Variants in SYNE3 observed in about 807,000 individuals in gnomAD.
SYNE3 encodes the protein spectrin repeat containing nuclear envelope family member 3.
SYNE3 carries 100 observed loss-of-function variants against 111.2 expected under a neutral mutation model. That is an observed-to-expected ratio of 0.90 (90% CI 0.77 to 1.06). The LOEUF (loss-of-function observed/expected upper bound fraction) is 1.06, where lower values mean the gene tolerates loss of function less well. Among genes scored for constraint, SYNE3 ranks in the 50% least tolerant of loss-of-function variants. The pLI, the probability that SYNE3 is intolerant of heterozygous loss-of-function variation, is 0.00. For synonymous variants in SYNE3, 547 were observed against 533.9 expected (o/e 1.02, Z -0.34); for missense variants, 1,160 against 1,240.3 (o/e 0.94, Z 0.97).
intron 1 of SYNE3, among the ~76,000 whole-genome samples, chr14:95,494,963 T>C (rs1194409142): frequency 6.6e-6 from 1 of 151,700 alleles, no homozygotes; most frequent in African/African-American, 2.4e-5. Flanking sequence ...AATACAAAAA[T>C]CAGTTGGGCG....
At chr14:95,479,683 G>T (rs1595242510) in intron 1 of SYNE3, among the ~76,000 whole-genome samples, 1 of 152,204 alleles carries the variant, frequency 6.6e-6, no homozygotes, top group Non-Finnish European at 1.5e-5. Context: ...GGGGATGGAC[G>T]CACAGTAAGG....
intron 1 of SYNE3, among the ~76,000 whole-genome samples, chr14:95,486,364 C>G (rs966611159): frequency 1.3e-5 from 2 of 152,172 alleles, no homozygotes; most frequent in Admixed American, 6.5e-5. Flanking sequence ...CCCAGGCCAC[C>G]CCCCACCCCT....
chr14:95,427,611 C>T (rs1478947271), intron 17 of SYNE3, among the ~76,000 whole-genome samples: 2 of 152,190 alleles, frequency 1.3e-5, no homozygotes, highest in African/African-American at 4.8e-5. Flanking sequence ...GCCTTGGCTG[C>T]CAGGCAGGGA....
intron 1 of SYNE3, among the ~76,000 whole-genome samples, chr14:95,481,125 T>C (rs1259654926): frequency 6.6e-6 from 1 of 152,178 alleles, no homozygotes; most frequent in Non-Finnish European, 1.5e-5. Flanking sequence ...TCCACAACCC[T>C]AGATAAGAAT....
chr14:95,511,239 CA>C (rs1890710490), intron 1 of SYNE3, among the ~76,000 whole-genome samples: 1 of 152,096 alleles, frequency 6.6e-6, no homozygotes, highest in Non-Finnish European at 1.5e-5. Context: ...AGTACGCCTG[CA>C]AAAAATAGGA....
At chr14:95,488,269 T>G (rs1001171737) in intron 1 of SYNE3, among the ~76,000 whole-genome samples, 2 of 152,180 alleles carry the variant, frequency 1.3e-5, no homozygotes, top group African/African-American at 4.8e-5. Context: ...GTACTCTTTT[T>G]AGAGAGAGGG....
chr14:95,476,153 G>C (rs1288384819), intron 1 of SYNE3, among the ~76,000 whole-genome samples: 1 of 152,196 alleles, frequency 6.6e-6, no homozygotes, highest in Non-Finnish European at 1.5e-5. Flanking sequence ...TATTCAGATT[G>C]CACGCTCTCC....
chr14:95,493,656 C>A (rs534092923), intron 1 of SYNE3, among the ~76,000 whole-genome samples: 2 of 152,250 alleles, frequency 1.3e-5, no homozygotes, highest in Non-Finnish European at 2.9e-5. Context: ...AAAATGCCTG[C>A]CTGGGAGAAG....
chr14:95,459,106 C>G (rs1167625729), intron 4 of SYNE3, among the ~76,000 whole-genome samples: 3 of 152,244 alleles, frequency 2.0e-5, no homozygotes, highest in Non-Finnish European at 4.4e-5. Flanking sequence ...TATGGAGCTA[C>G]TCCACCGCCA....
At chr14:95,499,334 G>C (rs1403139442) in intron 1 of SYNE3, among the ~76,000 whole-genome samples, 1 of 152,122 alleles carries the variant, frequency 6.6e-6, no homozygotes, top group East Asian at 1.9e-4. Flanking sequence ...AAGTTTAACA[G>C]GACATTCAAA....
chr14:95,454,327 C>G (rs1887278179), intron 6 of SYNE3, among the ~76,000 whole-genome samples: 1 of 152,278 alleles, frequency 6.6e-6, no homozygotes, highest in Non-Finnish European at 1.5e-5. Context: ...GTTAAAATCC[C>G]TGTCTCCACC....
chr14:95,452,656 C>T (rs988035186), intron 6 of SYNE3, among the ~76,000 whole-genome samples: 1 of 152,222 alleles, frequency 6.6e-6, no homozygotes, highest in African/African-American at 2.4e-5. Context: ...CAAACACTAG[C>T]TCCTAATGGT....
intron 17 of SYNE3, among the ~76,000 whole-genome samples, chr14:95,423,205 C>A (rs903909383): frequency 6.6e-6 from 1 of 152,102 alleles, no homozygotes; most frequent in South Asian, 2.1e-4. Flanking sequence ...TCTGAGCTGG[C>A]CTGTGGTTTA....
Position 95,440,645 on chromosome 14 carries a change from C to T in SYNE3, c.1912-570G>A, listed in dbSNP as rs142822524. On this transcript the variant is annotated intron_variant, in intron 11 of 17. Transcript: ENST00000682763. ...GCAATACAGCAGATGAATTTACAACCATCATCTGGAGAGCTAAAGGCCAGG... is the reference window on the plus strand; with the variant it reads ...GCAATACAGCAGATGAATTTACAACTATCATCTGGAGAGCTAAAGGCCAGG... Among the ~76,000 whole-genome samples the T allele has an allele frequency of 2.6e-3, 395 of 152,336 alleles. 3 individuals are homozygous for T. Among genetic ancestry groups the T allele is most frequent in the Admixed American group, 5.3e-3 (81 of 15,306 alleles).
rs912940254 is a variant in SYNE3, at chr14:95,490,196, A to G, written c.-14-14361T>C. Among the ~76,000 whole-genome samples, 6 of 152,376 alleles carry G rather than the reference A, an allele frequency of 3.9e-5. No individual in the cohort carries two copies. In the East Asian group the frequency reaches 1.2e-3, roughly 29 times the overall value. On this transcript the variant is annotated intron_variant, in intron 1 of 17. Coordinates refer to ENST00000682763, the MANE Select transcript of SYNE3 (RefSeq NM_152592.6). Reference sequence around the variant, plus strand: ...CTGCTGAGAGGCCCTGCCCTATCCCAATGTAAAGGACTATCACCGTCATCT... The same window carrying G: ...CTGCTGAGAGGCCCTGCCCTATCCCGATGTAAAGGACTATCACCGTCATCT...
intron 1 of SYNE3, among the ~76,000 whole-genome samples, chr14:95,502,478 C>T (rs1370661969): frequency 6.6e-6 from 1 of 152,138 alleles, no homozygotes; most frequent in African/African-American, 2.4e-5. Context: ...CTGCCACAGG[C>T]TCTCAGATCC....
At chr14:95,501,372 A>T (rs1890328499) in intron 1 of SYNE3, among the ~76,000 whole-genome samples, 1 of 152,212 alleles carries the variant, frequency 6.6e-6, no homozygotes, top group Non-Finnish European at 1.5e-5. Flanking sequence ...TGCCTGTCAT[A>T]CGGGAGGCCT....
chr14:95,437,131 TC>T, intron 14 of SYNE3, 150 bp from the exon 15 acceptor site: 1 of 843,314 alleles, frequency 1.2e-6, no homozygotes, highest in Non-Finnish European at 1.8e-6. Context: ...ACAATGAATC[TC>T]TACTCAACAT....
intron 1 of SYNE3, 54 bp from the exon 2 acceptor site, chr14:95,475,889 A>C: frequency 7.3e-7 from 1 of 1,371,414 alleles, no homozygotes; most frequent in East Asian, 2.7e-5. Flanking sequence ...GGGGCTGCAA[A>C]AAGACCCCCG....
Sources: gnomAD v4.1 joint callset for allele counts (sites outside exome capture counted in the v4.1 genomes callset) on GRCh38, gnomAD v4.1.1 for gene constraint, MANE v1.5 for transcripts, NCBI Gene and HGNC (gene_info 2026-07-23, HGNC 2026-07-21) for gene names.